Variants in SUMF1 observed in about 807,000 individuals in gnomAD.
SUMF1 encodes the protein formylglycine-generating enzyme.
SUMF1 carries 48 observed loss-of-function variants against 47.6 expected under a neutral mutation model. That is an observed-to-expected ratio of 1.01 (90% CI 0.80 to 1.28). SUMF1 has a LOEUF of 1.28. SUMF1 is among the 50% of genes most tolerant of loss of function. SUMF1 has a pLI of 0.00. For missense variants in SUMF1, 571 were observed against 485.4 expected (o/e 1.18, Z -1.66); for synonymous variants, 230 against 192.1 (o/e 1.20, Z -1.63).
intron 8 of SUMF1, among the ~76,000 whole-genome samples, chr3:4,077,850 C>A (rs769470304): frequency 1.9e-4 from 29 of 151,882 alleles, no homozygotes; most frequent in Non-Finnish European, 4.1e-4. Context: ...TAGTAAAATT[C>A]ATGCTAATAA....
At chr3:4,371,275 A>G (rs1019762592) in intron 8 of SUMF1, among the ~76,000 whole-genome samples, 4 of 152,216 alleles carry the variant, frequency 2.6e-5, no homozygotes, top group Non-Finnish European at 5.9e-5. Flanking sequence ...GAAAGTGGGA[A>G]GGACCTGTTT....
intron 9 of SUMF1, among the ~76,000 whole-genome samples, chr3:4,038,384 G>C (rs1051972662): frequency 2.0e-5 from 3 of 152,152 alleles, no homozygotes; most frequent in African/African-American, 4.8e-5. Flanking sequence ...ACTGCAGCTT[G>C]TTAGAGGTGT....
At chr3:4,410,135 C>A (rs760809327) in intron 7 of SUMF1, among the ~76,000 whole-genome samples, 15 of 152,142 alleles carry the variant, frequency 9.9e-5, no homozygotes, top group African/African-American at 1.9e-4. Context: ...CTGTTCACAC[C>A]ATAAAAAATA....
intron 7 of SUMF1, among the ~76,000 whole-genome samples, chr3:4,377,542 G>C (rs1377222576): frequency 6.6e-6 from 1 of 152,160 alleles, no homozygotes; most frequent in Non-Finnish European, 1.5e-5. Context: ...TAGGAAATTA[G>C]GCAATGCTTA....
rs115211991 is a variant in SUMF1, at chr3:4,315,556, C to A, written c.1014+60774G>T. Among the ~76,000 whole-genome samples, 1,477 of 152,190 alleles carry A rather than the reference C, an allele frequency of 9.7e-3. 15 individuals carry two copies. The highest frequency in any genetic ancestry group is 0.032 in the African/African-American group (1,338 of 41,512). ...TTATATAGCACTTAATCCTAGAAAC[C>A]AGATTCCTAAGGTAAGAGTCAAAGA... On this transcript the variant is annotated intron_variant and NMD_transcript_variant, in intron 8 of 12. Coordinates refer to the SUMF1 transcript ENST00000448413.
intron 8 of SUMF1, among the ~76,000 whole-genome samples, chr3:4,289,176 G>A (rs1697693149): frequency 6.6e-6 from 1 of 152,202 alleles, no homozygotes; most frequent in Non-Finnish European, 1.5e-5. Context: ...GATAGTGACA[G>A]AAAGGAAGCC....
chr3:4,410,846 C>T lies in SUMF1; in HGVS notation c.954+19G>A, dbSNP rs1391104951. 3.1e-6 allele frequency: 5 copies of T among 1,607,684 alleles called. No individual in the cohort carries two copies. Among genetic ancestry groups the T allele is most frequent in the South Asian group, 1.1e-5 (1 of 90,948 alleles). On this transcript the variant is annotated intron_variant, in intron 7 of 8. Coordinates refer to ENST00000272902, the MANE Select transcript of SUMF1 (RefSeq NM_182760.4). Reference sequence around the variant, plus strand: ...AGATGCCACCATTCCAAGACACATGCTCTGTGAATAATACTCACTGGGTTA... The same window carrying T: ...AGATGCCACCATTCCAAGACACATGTTCTGTGAATAATACTCACTGGGTTA...
intron 8 of SUMF1, among the ~76,000 whole-genome samples, chr3:4,234,877 C>A (rs1696375192): frequency 6.6e-6 from 1 of 152,056 alleles, no homozygotes; most frequent in South Asian, 2.1e-4. Flanking sequence ...AAGAAGTGGG[C>A]TAACAAGGTC....
intron 8 of SUMF1, among the ~76,000 whole-genome samples, chr3:4,150,885 C>T (rs575838372): frequency 1.8e-4 from 28 of 151,452 alleles, no homozygotes; most frequent in Non-Finnish European, 3.7e-4. Context: ...CTGATATTAT[C>T]AGGTTCCATA....
chr3:4,092,607 C>T (rs1401621268), intron 8 of SUMF1, among the ~76,000 whole-genome samples: 2 of 152,106 alleles, frequency 1.3e-5, no homozygotes, highest in African/African-American at 4.8e-5. Flanking sequence ...CTCCAATCTT[C>T]TAAAGACTCA....
At chr3:4,335,980 A>AAAAAAAAAAAAAAAAAAC (rs5846321) in intron 8 of SUMF1, among the ~76,000 whole-genome samples, 1 of 148,094 alleles carries the variant, frequency 6.8e-6, no homozygotes, top group Admixed American at 6.8e-5. Context: ...AAAAAAAAAA[A>AAAAAAAAAAAAAAAAAAC]CAGAAAAAAC....
intron 8 of SUMF1, among the ~76,000 whole-genome samples, chr3:4,342,754 G>GA (rs932113260): frequency 3.9e-5 from 6 of 152,072 alleles, no homozygotes; most frequent in African/African-American, 1.4e-4. Context: ...TATTACTCGA[G>GA]AAATAGAGCC....
chr3:4,119,346 G>A (rs58692911), intron 8 of SUMF1, among the ~76,000 whole-genome samples: 3 of 151,988 alleles, frequency 2.0e-5, no homozygotes, highest in African/African-American at 7.3e-5. Context: ...TCATTATCAG[G>A]ATAATTTTCT....
intron 7 of SUMF1, among the ~76,000 whole-genome samples, chr3:4,396,305 T>C (rs1423215641): frequency 2.0e-5 from 3 of 152,342 alleles, no homozygotes; most frequent in Non-Finnish European, 2.9e-5. Context: ...ACTATTCTAG[T>C]TTCAGACACA....
chr3:4,359,700 C>T (rs1461053777), downstream of SUMF1, among the ~76,000 whole-genome samples: 2 of 152,136 alleles, frequency 1.3e-5, no homozygotes, highest in African/African-American at 4.8e-5. Context: ...CTAGTGAGAA[C>T]TCACTCACTA....
rs143660686 is a variant in SUMF1, at chr3:4,196,354, C to T, written c.1015-127609G>A. On this transcript the variant is annotated intron_variant and NMD_transcript_variant, in intron 8 of 12. Transcript: ENST00000448413. ...ACAAGTGACCATTCAGACCCAAACA[C>T]AGACAGTTTCCAGGCTTTGTGTGGC... is the stretch of plus-strand genomic sequence containing the variant. Among the ~76,000 whole-genome samples the T allele has an allele frequency of 6.6e-3, 1,000 of 152,238 alleles. 9 individuals carry two copies. The highest frequency in any genetic ancestry group is 0.011 in the Non-Finnish European group (722 of 67,992).
At chr3:4,433,933 A>G (rs1702315183) in intron 3 of SUMF1, among the ~76,000 whole-genome samples, 1 of 152,248 alleles carries the variant, frequency 6.6e-6, no homozygotes, top group Admixed American at 6.5e-5. Flanking sequence ...GTCACCATAC[A>G]TATCCAGAAC....
At chr3:4,350,396 T>C (rs531283493) in intron 8 of SUMF1, among the ~76,000 whole-genome samples, 1 of 151,048 alleles carries the variant, frequency 6.6e-6, no homozygotes, top group South Asian at 2.1e-4. Context: ...ATTGTGTGTA[T>C]ATATATTCAA....
chr3:4,350,944 GAAAAA>G (rs201910548), intron 8 of SUMF1, among the ~76,000 whole-genome samples: 1 of 143,792 alleles, frequency 7.0e-6, no homozygotes, highest in African/African-American at 2.5e-5. Context: ...AACAAAAAAA[GAAAAA>G]AAAAAATCAA....
Sources: gnomAD v4.1 joint callset for allele counts (sites outside exome capture counted in the v4.1 genomes callset) on GRCh38, gnomAD v4.1.1 for gene constraint, MANE v1.5 for transcripts, NCBI Gene and HGNC (gene_info 2026-07-23, HGNC 2026-07-21) for gene names.